KCNQ1: variants seen among roughly 807,000 people sequenced by gnomAD.
KCNQ1 encodes the protein potassium voltage-gated channel subfamily KQT member 1.
KCNQ1 carries 49 observed loss-of-function variants against 72.4 expected under a neutral mutation model. The observed-to-expected ratio is 0.68, with a 90% CI of 0.54 to 0.86. The LOEUF is 0.86. Among genes scored for constraint, KCNQ1 ranks in the 40% least tolerant of loss-of-function variants. The pLI is 0.00. For synonymous variants in KCNQ1, 450 were observed against 412.6 expected, an observed-to-expected ratio of 1.09 and a Z score of -1.10; for missense variants, 790 against 945.1, an observed-to-expected ratio of 0.84 and a Z score of 2.15.
intron 2 of KCNQ1, among the ~76,000 whole-genome samples, chr11:2,533,572 G>A (rs529529018): frequency 9.2e-5 from 14 of 152,274 alleles, no homozygotes; most frequent in Non-Finnish European, 1.9e-4. Flanking sequence ...GTACGTGTGC[G>A]TGCCTGTGGG....
chr11:2,504,246 A>C (rs1316135493), intron 1 of KCNQ1, among the ~76,000 whole-genome samples: 1 of 152,196 alleles, frequency 6.6e-6, no homozygotes, highest in South Asian at 2.1e-4. Context: ...CAAACTTTGC[A>C]TGTTCTCACT....
rs1196956606 is a variant in KCNQ1 at position 2,602,442 on chromosome 11, A to G, written c.1393+13588A>G. On this transcript the variant is annotated intron_variant, in intron 10 of 15. Coordinates refer to ENST00000155840, the MANE Select transcript of KCNQ1 (RefSeq NM_000218.3). The surrounding 1 kb of genome is among the most constrained non-coding windows in gnomAD (Gnocchi z 4.8). ...CTTTGGGATAAAAGCCCAAGCTTGT[A>G]ATTGCTGAGTTGTGTGGCAGTTGCA... 1.3e-5 allele frequency among the ~76,000 whole-genome samples: 2 copies of G among 152,222 alleles called. No individual in the cohort carries two copies. The highest frequency in any genetic ancestry group is 3.8e-4 in the East Asian group (2 of 5,204).
intron 6 of KCNQ1, among the ~76,000 whole-genome samples, chr11:2,574,308 G>A (rs955689011): frequency 2.0e-5 from 3 of 152,194 alleles, no homozygotes; most frequent in African/African-American, 4.8e-5. Flanking sequence ...CCACAAGCCT[G>A]CCCCCGCGTC....
At chr11:2,753,482 C>G (rs1243368241) in intron 11 of KCNQ1, among the ~76,000 whole-genome samples, 1 of 152,180 alleles carries the variant, frequency 6.6e-6, no homozygotes, top group Non-Finnish European at 1.5e-5. Context: ...TCAAAGCCTC[C>G]CTACCTGCTC....
rs1847598613 is a variant in KCNQ1 at position 2,815,680 on chromosome 11, A to G, written c.1795-32087A>G. Among the ~76,000 whole-genome samples, 1 of 151,890 alleles carries G rather than the reference A, an allele frequency of 6.6e-6. No homozygotes were observed. The highest frequency in any genetic ancestry group is 1.5e-5 in the Non-Finnish European group (1 of 67,944). On this transcript the variant is annotated intron_variant, in intron 15 of 15. Coordinates refer to ENST00000155840, the MANE Select transcript of KCNQ1 (RefSeq NM_000218.3). The surrounding 1 kb of genome is among the most constrained non-coding windows in gnomAD (Gnocchi z 5.4). Reference sequence around the variant, plus strand: ...CCCAGGCTGACCCCAGTCCCTCCCTATGCAGGCAGAGGGGCAATTGGAAGA... The same window carrying G: ...CCCAGGCTGACCCCAGTCCCTCCCTGTGCAGGCAGAGGGGCAATTGGAAGA...
chr11:2,532,409 C>T (rs1354001904), intron 2 of KCNQ1, among the ~76,000 whole-genome samples: 1 of 152,246 alleles, frequency 6.6e-6, no homozygotes, highest in East Asian at 1.9e-4. Flanking sequence ...TGCCACACTT[C>T]CCAGCAGTCT....
Position 2,663,744 on chromosome 11 carries a change from G to A in KCNQ1, c.1514+1663G>A. 2.5e-6 allele frequency: 1 copy of A among 398,678 alleles called. No homozygotes were observed. The highest frequency in any genetic ancestry group is 6.3e-4 in the Middle Eastern group (1 of 1,588). The allele number at this position is 398,678 out of a possible 1,614,324, so 24.7% of individuals were successfully genotyped here. On this transcript the variant is annotated intron_variant, in intron 11 of 15. Transcript: ENST00000155840. This position sits in a 1 kb window ranked among gnomAD's most constrained non-coding sequence, Gnocchi z 5.2. Reference sequence around the variant, plus strand: ...GCCCCTGCAGGTGAAGGTGGTGAGAGACCAGGCACTTATGTGGATCACAGC... The same window carrying A: ...GCCCCTGCAGGTGAAGGTGGTGAGAAACCAGGCACTTATGTGGATCACAGC...
At chr11:2,821,272 C>T (rs928702757) in intron 15 of KCNQ1, among the ~76,000 whole-genome samples, 7 of 152,170 alleles carry the variant, frequency 4.6e-5, no homozygotes, top group East Asian at 3.8e-4. Context: ...GCAGAGGCCC[C>T]GCGTGGGGCA....
Position 2,543,935 on chromosome 11 carries a change from A to G in KCNQ1, c.477+15917A>G, listed in dbSNP as rs1364101243. On this transcript the variant is annotated intron_variant, in intron 2 of 15. Transcript: ENST00000155840. The surrounding 1 kb of genome is among the most constrained non-coding windows in gnomAD (Gnocchi z 5.6). ...AAAATTGTCTCTTTCTGGACACTCT[A>G]CTGTGATCCGTTGATCTGTCCTTTT... is the stretch of plus-strand genomic sequence containing the variant. 6.6e-6 allele frequency among the ~76,000 whole-genome samples: 1 copy of G among 152,188 alleles called. No individual in the cohort carries two copies. Among genetic ancestry groups the G allele is most frequent in the African/African-American group, 2.4e-5 (1 of 41,438 alleles).
chr11:2,496,398 C>T (rs530164592), intron 1 of KCNQ1, among the ~76,000 whole-genome samples: 98 of 151,012 alleles, frequency 6.5e-4, no homozygotes, highest in African/African-American at 2.3e-3. Flanking sequence ...GATAGCGCCA[C>T]TGCAGTCTGG....
Position 2,817,481 on chromosome 11 carries a change from T to G in KCNQ1, c.1795-30286T>G, listed in dbSNP as rs191103549. On this transcript the variant is annotated intron_variant, in intron 15 of 15. Transcript: ENST00000155840. This position sits in a 1 kb window ranked among gnomAD's most constrained non-coding sequence, Gnocchi z 6.1. Reference sequence around the variant, plus strand: ...CCACCCCAGCAGTCAGGGAAGGACCTGCTGGGGCATTTCAGATCCTGAGCA... The same window carrying G: ...CCACCCCAGCAGTCAGGGAAGGACCGGCTGGGGCATTTCAGATCCTGAGCA... Among the ~76,000 whole-genome samples, 3 of 152,242 alleles carry G rather than the reference T, an allele frequency of 2.0e-5. No individual in the cohort carries two copies. Among genetic ancestry groups the G allele is most frequent in the Non-Finnish European group, 4.4e-5 (3 of 68,006 alleles).
rs1849872441 is a variant in KCNQ1 at position 2,657,612 on chromosome 11, A to G, written c.1394-4349A>G. On this transcript the variant is annotated intron_variant, in intron 10 of 15. Transcript: ENST00000155840. The surrounding 1 kb of genome is among the most constrained non-coding windows in gnomAD (Gnocchi z 4.8). ...CATTGACCAAAACTAAAAAATTAAC[A>G]TTGGTACACTATTAAGCTAGAGTTA... The G allele has an allele frequency of 7.5e-6, 3 of 398,518 alleles. No individual in the cohort carries two copies. The highest frequency in any genetic ancestry group is 8.8e-5 in the Admixed American group (2 of 22,724). The allele number at this position is 398,518 out of a possible 1,614,324, so 24.7% of individuals were successfully genotyped here. A position where few individuals can be genotyped will look rare whatever the true frequency, so the allele number is the denominator to read the frequency against.
In KCNQ1 at chr11:2,801,971, G is replaced by T. The variant is rs373854625; in HGVS notation, c.1794+23934G>T. Among the ~76,000 whole-genome samples the T allele has an allele frequency of 9.2e-5, 14 of 152,360 alleles. No homozygotes were observed. The South Asian group carries it at 2.7e-3, about 29-fold the overall frequency. On this transcript the variant is annotated intron_variant, in intron 15 of 15. Transcript: ENST00000155840. Reference sequence around the variant, plus strand: ...AGGCCCAAGCACAGAAAAAGCCAGAGCAGGGTCTGGGGTCTTTGCCTCCAG... The same window carrying T: ...AGGCCCAAGCACAGAAAAAGCCAGATCAGGGTCTGGGGTCTTTGCCTCCAG...
intron 1 of KCNQ1, among the ~76,000 whole-genome samples, chr11:2,519,647 C>A (rs997536147): frequency 6.6e-5 from 10 of 151,312 alleles, no homozygotes; most frequent in Non-Finnish European, 2.9e-5. Context: ...AAACAAAAAA[C>A]CAAAAAACAA....
In KCNQ1 at chr11:2,657,850, A is replaced by G. The variant is rs953177376; in HGVS notation, c.1394-4111A>G. On this transcript the variant is annotated intron_variant, in intron 10 of 15. Coordinates refer to ENST00000155840, the MANE Select transcript of KCNQ1 (RefSeq NM_000218.3). The surrounding 1 kb of genome is among the most constrained non-coding windows in gnomAD (Gnocchi z 4.8). Reference sequence around the variant, plus strand: ...TCTGGTGTTTTCTCAGGACTAGACCAGGGTTATAGGTTTAGGGGAAGGAGG... The same window carrying G: ...TCTGGTGTTTTCTCAGGACTAGACCGGGGTTATAGGTTTAGGGGAAGGAGG... 51 of 398,612 alleles carry G rather than the reference A, an allele frequency of 1.3e-4. No homozygotes were observed. The Admixed American group carries it at 2.0e-3, about 15-fold the overall frequency. The allele number at this position is 398,612 out of a possible 1,614,324, so 24.7% of individuals were successfully genotyped here.
rs2133855517 is a variant in KCNQ1, at chr11:2,661,706, C to A, written c.1394-255C>A. On this transcript the variant is annotated intron_variant, in intron 10 of 15. Coordinates refer to ENST00000155840, the MANE Select transcript of KCNQ1 (RefSeq NM_000218.3). The surrounding 1 kb of genome is among the most constrained non-coding windows in gnomAD (Gnocchi z 5.9). ...GAGAGTCTTGGACACCTGAGCACAGCCCCAGGCACAGTTACCACTCCGAAG... is the reference window on the plus strand; with the variant it reads ...GAGAGTCTTGGACACCTGAGCACAGACCCAGGCACAGTTACCACTCCGAAG... 1 of 609,238 alleles carries A rather than the reference C, an allele frequency of 1.6e-6. No individual in the cohort carries two copies. Among genetic ancestry groups the A allele is most frequent in the Non-Finnish European group, 2.9e-6 (1 of 340,968 alleles). 37.7% of individuals were successfully genotyped at this position (609,238 alleles called of 1,614,324 possible). A position where few individuals can be genotyped will look rare whatever the true frequency, so the allele number is the denominator to read the frequency against.
rs77575282 is a variant in KCNQ1 at position 2,547,749 on chromosome 11, G to A, written c.477+19731G>A. ...CCTTGGGTGGACTACTGACTACTTC[G>A]CGGGTAAGAAATGGTGAGTGGCATG... is the stretch of plus-strand genomic sequence containing the variant. On this transcript the variant is annotated intron_variant, in intron 2 of 15. Coordinates refer to ENST00000155840, the MANE Select transcript of KCNQ1 (RefSeq NM_000218.3). This position sits in a 1 kb window ranked among gnomAD's most constrained non-coding sequence, Gnocchi z 4.2. Among the ~76,000 whole-genome samples the A allele has an allele frequency of 0.024, 3,590 of 152,158 alleles. 145 individuals are homozygous for A. Among genetic ancestry groups the A allele is most frequent in the African/African-American group, 0.077 (3,189 of 41,490 alleles).
chr11:2,522,306 C>G (rs551404265), intron 1 of KCNQ1, among the ~76,000 whole-genome samples: 1 of 152,162 alleles, frequency 6.6e-6, no homozygotes, highest in Middle Eastern at 3.2e-3. Context: ...CCCACCCCTT[C>G]GCTAGCCTGT....
intron 11 of KCNQ1, chr11:2,694,302 T>G (rs7927129): frequency 0.19 from 76,430 of 398,468 alleles, 8,129 homozygotes; most frequent in African/African-American, 0.33. Context: ...CCAAGAGCTG[T>G]TCTAAGGAAG....
Sources: gnomAD v4.1 joint callset for allele counts (sites outside exome capture counted in the v4.1 genomes callset) on GRCh38, gnomAD v4.1.1 for gene constraint, Gnocchi (gnomAD v3.1) non-coding constraint, MANE v1.5 for transcripts, NCBI Gene and HGNC (gene_info 2026-07-23, HGNC 2026-07-21) for gene names.